Variants in LINGO1 observed in about 807,000 individuals in gnomAD.
LINGO1 encodes leucine-rich repeat and immunoglobulin-like domain-containing nogo receptor-interacting protein 1.
A neutral mutation model predicts 37.3 loss-of-function variants in LINGO1; 11 were observed. That is an observed-to-expected ratio of 0.29 (90% CI 0.19 to 0.49). The LOEUF (loss-of-function observed/expected upper bound fraction) is 0.49. LINGO1 is among the 20% of genes least tolerant of loss of function. The pLI is 0.99. For synonymous variants in LINGO1, 387 were observed against 403.0 expected (o/e 0.96, Z 0.48); for missense variants, 585 against 878.2 (o/e 0.67, Z 4.22).
intron 1 of LINGO1, among the ~76,000 whole-genome samples, chr15:77,777,465 G>GCACACACACA (rs112112009): frequency 1.1e-4 from 16 of 140,102 alleles, no homozygotes; most frequent in South Asian, 6.6e-4. Flanking sequence ...ATACACACAC[G>GCACACACACA]CACACACACA....
At chr15:77,749,477 A>G (rs1025319454) in intron 1 of LINGO1, among the ~76,000 whole-genome samples, 7 of 152,220 alleles carry the variant, frequency 4.6e-5, no homozygotes, top group African/African-American at 1.4e-4. Flanking sequence ...CCTGGTAAGA[A>G]AACAAAAGAG....
chr15:77,614,662 C>A lies in LINGO1; in HGVS notation c.1245G>T (p.Leu415=). The change falls in exon 2 of 2, where the codon CTG becomes CTT. Residue 415 remains leucine (L), a synonymous_variant. Transcript: ENST00000355300. ...KEFKDFPDVL[L]PNYFTCRRAR... is the part of the protein sequence containing the mutation. Reference sequence around the variant, plus strand: ...CGCGGCGGCAGGTGAAGTAGTTGGGCAGTAGCACATCAGGGAAGTCCTTGA... The same window carrying A: ...CGCGGCGGCAGGTGAAGTAGTTGGGAAGTAGCACATCAGGGAAGTCCTTGA... 3.1e-6 allele frequency: 5 copies of A among 1,612,058 alleles called. No individual in the cohort carries two copies. The highest frequency in any genetic ancestry group is 4.2e-6 in the Non-Finnish European group (5 of 1,179,154).
At chr15:77,639,624 G>C (rs1224953222) in intron 3 of LINGO1, among the ~76,000 whole-genome samples, 1 of 152,104 alleles carries the variant, frequency 6.6e-6, no homozygotes, top group Non-Finnish European at 1.5e-5. Flanking sequence ...TCGCACAATG[G>C]AATACTATGC....
intron 1 of LINGO1, among the ~76,000 whole-genome samples, chr15:77,766,308 A>AAAAAAAAAAAAAAAAAC (rs1567571648): frequency 2.7e-5 from 4 of 146,448 alleles, no homozygotes; most frequent in African/African-American, 8.1e-5. Context: ...AAAAAAAAAA[A>AAAAAAAAAAAAAAAAAC]AAAAAAAAAC....
intron 3 of LINGO1, among the ~76,000 whole-genome samples, chr15:77,666,439 C>T (rs894725737): frequency 6.6e-6 from 1 of 152,236 alleles, no homozygotes; most frequent in African/African-American, 2.4e-5. Flanking sequence ...CACTACTACC[C>T]TCATCTGCTG....
intron 1 of LINGO1, among the ~76,000 whole-genome samples, chr15:77,763,769 G>A (rs771853372): frequency 3.9e-5 from 6 of 152,130 alleles, no homozygotes; most frequent in East Asian, 1.9e-4. Flanking sequence ...CTGAGGGTCC[G>A]GAGCTGTTAA....
chr15:77,780,820 C>G (rs1484464008), intron 1 of LINGO1, among the ~76,000 whole-genome samples: 2 of 151,078 alleles, frequency 1.3e-5, no homozygotes, highest in South Asian at 2.1e-4. Context: ...TGGCCATAGG[C>G]AAGCCAGGAA....
At chr15:77,713,701 A>T (rs1239367749) in intron 2 of LINGO1, among the ~76,000 whole-genome samples, 1 of 152,094 alleles carries the variant, frequency 6.6e-6, no homozygotes, top group Admixed American at 6.5e-5. Context: ...AACGTCAGTG[A>T]CCTGTCTCTG....
intron 1 of LINGO1, among the ~76,000 whole-genome samples, chr15:77,746,886 T>C (rs989904777): frequency 6.6e-6 from 1 of 151,866 alleles, no homozygotes; most frequent in Admixed American, 6.6e-5. Context: ...CACCCCCCAC[T>C]CCCAGGGAAG....
intron 3 of LINGO1, among the ~76,000 whole-genome samples, chr15:77,662,774 A>G (rs1420410363): frequency 1.3e-5 from 2 of 152,222 alleles, no homozygotes; most frequent in Non-Finnish European, 2.9e-5. Flanking sequence ...CATCCTGTGC[A>G]CATGTGCCCT....
At chr15:77,802,242 G>A (rs1046660440) in intron 1 of LINGO1, among the ~76,000 whole-genome samples, 18 of 152,018 alleles carry the variant, frequency 1.2e-4, no homozygotes, top group Admixed American at 7.9e-4. Context: ...GGTTCCAAGC[G>A]GTGCAGAGGC....
intron 1 of LINGO1, among the ~76,000 whole-genome samples, chr15:77,811,199 G>A (rs992669743): frequency 2.6e-5 from 4 of 152,168 alleles, no homozygotes; most frequent in African/African-American, 7.2e-5. Context: ...TCTGCCAACA[G>A]AGGCTCCCCT....
At chr15:77,725,808 T>G (rs1349419211) in intron 2 of LINGO1, among the ~76,000 whole-genome samples, 1 of 152,014 alleles carries the variant, frequency 6.6e-6, no homozygotes, top group Non-Finnish European at 1.5e-5. Flanking sequence ...GCTTGGAAAA[T>G]TCCTGAATAT....
rs775204451 is a variant in LINGO1 at position 77,614,583 on chromosome 15, C to T, written c.1324G>A (p.Val442Met). The T allele has an allele frequency of 1.2e-6, 2 of 1,610,938 alleles. No homozygotes were observed. Among genetic ancestry groups the T allele is most frequent in the African/African-American group, 2.7e-5 (2 of 75,016 alleles). ...QQVFVDEGHT[V>M]QFVCRADGDP... ...CCATCGGCCCGGCACACAAACTGCA[C>T]CGTGTGGCCCTCGTCCACAAACACC... The change falls in exon 2 of 2, where the codon GTG becomes ATG. Residue 442 changes from valine (V) to methionine (M), a missense_variant. Physicochemically the swap from Val to Met is conservative, Grantham distance 21 (BLOSUM62 1). This residue lies in a region of LINGO1 where 484 missense variants were observed against 735.0 expected (regional missense o/e 0.66). Transcript: ENST00000355300.
At chr15:77,715,063 C>T (rs2075967480) in intron 2 of LINGO1, among the ~76,000 whole-genome samples, 3 of 152,216 alleles carry the variant, frequency 2.0e-5, no homozygotes, top group Admixed American at 1.3e-4. Context: ...TTGTCTGGAA[C>T]ACTGAGCTCT....
chr15:77,800,135 G>A (rs1240670159), intron 1 of LINGO1, among the ~76,000 whole-genome samples: 1 of 152,212 alleles, frequency 6.6e-6, no homozygotes, highest in African/African-American at 2.4e-5. Flanking sequence ...CCTCCCTTGG[G>A]CTCTGGCAGG....
intron 2 of LINGO1, among the ~76,000 whole-genome samples, chr15:77,703,047 G>C: frequency 6.6e-6 from 1 of 152,208 alleles, no homozygotes; most frequent in Non-Finnish European, 1.5e-5. Context: ...GAACTGCTGA[G>C]CACATTGCTT....
chr15:77,746,579 T>C (rs8038666), intron 1 of LINGO1, among the ~76,000 whole-genome samples: 77,610 of 151,890 alleles, frequency 0.51, 19,893 homozygotes, highest in Admixed American at 0.56. Flanking sequence ...AGTTGATGGG[T>C]GGTCAGGTGC....
chr15:77,614,096 G>A lies in LINGO1; in HGVS notation c.1811C>T (p.Ala604Val). 6.2e-7 allele frequency: 1 copy of A among 1,613,616 alleles called. No homozygotes were observed. Among genetic ancestry groups the A allele is most frequent in the Non-Finnish European group, 8.5e-7 (1 of 1,179,728 alleles). Residue 604 changes from alanine to valine, a missense_variant, in exon 2 of 2, where the codon GCA (alanine) becomes GTA (valine). Physicochemically the swap from Ala to Val is moderately conservative, Grantham distance 64. Coordinates refer to ENST00000355300, the MANE Select transcript of LINGO1 (RefSeq NM_032808.7). ...EIEYVPRKSD[A>V]GISSADAPRK... ...GGGCGCGTCGGCGGAGCTGATGCCT[G>A]CGTCCGACTTTCGGGGCACATACTC...
Sources: allele counts gnomAD v4.1 joint callset (sites outside exome capture counted in the v4.1 genomes callset), GRCh38; gene constraint gnomAD v4.1.1; regional missense constraint gnomAD v4.1.1; transcripts MANE v1.5; gene names NCBI Gene and HGNC (gene_info 2026-07-23, HGNC 2026-07-21).